SLC38A10: variants seen among roughly 807,000 people sequenced by gnomAD.
SLC38A10 encodes the protein solute carrier family 38 member 10.
A neutral mutation model predicts 81.0 loss-of-function variants in SLC38A10; 53 were observed. That is an observed-to-expected ratio of 0.65 (90% CI 0.53 to 0.82). The LOEUF (loss-of-function observed/expected upper bound fraction) is 0.82, where lower values mean the gene tolerates loss of function less well. Ranked by LOEUF, SLC38A10 falls within the 40% of genes least tolerant of loss-of-function variation. The pLI, the probability that SLC38A10 is intolerant of heterozygous loss-of-function variation, is 0.00. For missense variants in SLC38A10, 1,471 were observed against 1,545.0 expected (o/e 0.95, Z 0.80); for synonymous variants, 665 against 655.3 (o/e 1.01, Z -0.23).
chr17:81,269,453 C>G (rs576549137), intron 10 of SLC38A10, among the ~76,000 whole-genome samples: 2 of 152,212 alleles, frequency 1.3e-5, no homozygotes, highest in African/African-American at 4.8e-5. Context: ...GCAGAAGTTG[C>G]AGTGGACCTG....
chr17:81,251,411 A>C, intron 14 of SLC38A10, 82 bp downstream of exon 14: 1 of 1,610,968 alleles, frequency 6.2e-7, no homozygotes, highest in Non-Finnish European at 8.5e-7. Context: ...CCCGAGGATG[A>C]CCTGGGCATC....
intron 14 of SLC38A10, 138 bp downstream of exon 14, chr17:81,251,355 T>C (rs753965754): frequency 6.2e-7 from 1 of 1,612,284 alleles, no homozygotes; most frequent in South Asian, 1.1e-5. Context: ...CTCCGAGGGG[T>C]CTGCTCAGCA....
intron 2 of SLC38A10, 79 bp from the exon 3 acceptor site, chr17:81,284,974 C>A: frequency 7.4e-7 from 1 of 1,360,300 alleles, no homozygotes; most frequent in Non-Finnish European, 9.9e-7. Flanking sequence ...GCCAAGCTGT[C>A]AAGGGCGATT....
intron 4 of SLC38A10, among the ~76,000 whole-genome samples, 153 bp from the exon 5 acceptor site, chr17:81,282,485 G>A (rs931844375): frequency 9.2e-5 from 14 of 152,266 alleles, no homozygotes; most frequent in East Asian, 1.9e-4. Flanking sequence ...ACACTCGCCC[G>A]AAGCCGCTCT....
intron 5 of SLC38A10, 151 bp from the exon 6 acceptor site, chr17:81,280,884 C>T: frequency 4.4e-6 from 4 of 910,500 alleles, no homozygotes; most frequent in South Asian, 2.1e-5. Context: ...CCGCCCTGTG[C>T]CGCCTTGTGC....
Position 81,272,746 on chromosome 17 carries a change from C to A in SLC38A10, c.913-119G>T, listed in dbSNP as rs557655461. 1,058 of 603,262 alleles carry A rather than the reference C, an allele frequency of 1.8e-3. 3 individuals carry two copies. Among genetic ancestry groups the A allele is most frequent in the Non-Finnish European group, 2.3e-3 (844 of 366,496 alleles). The allele number at this position is 603,262 out of a possible 1,614,324, so 37.4% of individuals were successfully genotyped here. A position where few individuals can be genotyped will look rare whatever the true frequency, so the allele number is the denominator to read the frequency against. The stretch of plus-strand genomic sequence containing the variant: ...CAGGCACATCTCCACGTGAGGCCGG[C>A]CGCGCACTCACCTGGCAGGTGAGCC... On this transcript the variant is annotated intron_variant, in intron 8 of 15. Transcript: ENST00000374759.
At chr17:81,285,415 T>C (rs1334889780) in intron 2 of SLC38A10, 2 of 152,486 alleles carry the variant, frequency 1.3e-5, no homozygotes, top group Non-Finnish European at 2.9e-5. Context: ...GCATGGTGCT[T>C]CAGGAAGGGA....
chr17:81,263,269 G>C (rs1156380747), intron 10 of SLC38A10: 1 of 152,350 alleles, frequency 6.6e-6, no homozygotes, highest in African/African-American at 2.4e-5. Flanking sequence ...GCTGGGACAA[G>C]GGCGGGACAA....
intron 14 of SLC38A10, among the ~76,000 whole-genome samples, chr17:81,250,484 G>A (rs959721112): frequency 2.6e-5 from 4 of 152,264 alleles, no homozygotes; most frequent in Non-Finnish European, 5.9e-5. Flanking sequence ...CATCCTGGGA[G>A]GTGCCCGTGC....
Position 81,289,823 on chromosome 17 carries a change from C to T in SLC38A10, c.100-15G>A, listed in dbSNP as rs1451901603. The T allele has an allele frequency of 1.3e-6, 2 of 1,572,362 alleles. No homozygotes were observed. Among genetic ancestry groups the T allele is most frequent in the Admixed American group, 3.8e-5 (2 of 53,034 alleles). On this transcript the variant is annotated splice_polypyrimidine_tract_variant and intron_variant, in intron 1 of 15. Coordinates refer to ENST00000374759, the MANE Select transcript of SLC38A10 (RefSeq NM_001037984.3). The surrounding 1 kb of genome is among the most constrained non-coding windows in gnomAD (Gnocchi z 5.9). ...ACGATGCCGCACTGCAGGGTGGAGA[C>T]AGGAACACATGTTCACAGCAGCAGG...
intron 14 of SLC38A10, 186 bp from the exon 15 acceptor site, chr17:81,247,247 G>C: frequency 1.8e-6 from 1 of 554,270 alleles, no homozygotes. Flanking sequence ...GATGCACGCA[G>C]GCCTGAGGGC....
In SLC38A10 at chr17:81,246,092, G is replaced by C; in HGVS notation, c.2824C>G (p.Pro942Ala). The change falls in exon 16 of 16, where the codon CCC becomes GCC. Residue 942 changes from proline (P) to alanine (A), a missense_variant. Pro to Ala is a conservative substitution (Grantham distance 27). This residue lies in a region of SLC38A10 where 751 missense variants were observed against 717.4 expected (regional missense o/e 1.05). Transcript: ENST00000374759. ...SRDLGLAADL[P>A]GGAEGAAAQP... Reference sequence around the variant, plus strand: ...GCAGCTGCTCCTTCCGCCCCACCGGGCAGGTCCGCTGCAAGGCCCAGGTCT... The same window carrying C: ...GCAGCTGCTCCTTCCGCCCCACCGGCCAGGTCCGCTGCAAGGCCCAGGTCT... 1 of 1,608,526 alleles carries C rather than the reference G, an allele frequency of 6.2e-7. No homozygotes were observed. Among genetic ancestry groups the C allele is most frequent in the Non-Finnish European group, 8.5e-7 (1 of 1,179,592 alleles).
At position 81,289,747 on chromosome 17, in the gene SLC38A10, C is replaced by A. The variant is rs774107237; in HGVS notation, c.161G>T (p.Cys54Phe). 2 of 1,611,648 alleles carry A rather than the reference C, an allele frequency of 1.2e-6. No individual in the cohort carries two copies. Among genetic ancestry groups the A allele is most frequent in the Non-Finnish European group, 1.7e-6 (2 of 1,179,672 alleles). Residue 54 changes from cysteine (C) to phenylalanine (F), a missense_variant, in exon 2 of 16, where the codon TGC becomes TTC. Physicochemically the swap from Cys to Phe is radical, Grantham distance 205. Transcript: ENST00000374759. This position sits in a 1 kb window ranked among gnomAD's most constrained non-coding sequence, Gnocchi z 5.9. ...VFCSWMTHQS[C>F]MFLVKSASLS... is the part of the protein sequence containing the mutation. ...GCTGGCCGACTTCACCAAGAACATG[C>A]ACGACTGGTGCGTCATCCATGAGCA...
chr17:81,276,248 C>A lies in SLC38A10; in HGVS notation c.730-97G>T. 6.8e-6 allele frequency: 8 copies of A among 1,182,780 alleles called. No individual in the cohort carries two copies. Among genetic ancestry groups the A allele is most frequent in the Non-Finnish European group, 9.2e-6 (8 of 868,672 alleles). The allele number at this position is 1,182,780 out of a possible 1,614,324, so 73.3% of individuals were successfully genotyped here. On this transcript the variant is annotated intron_variant, in intron 7 of 15. Coordinates refer to ENST00000374759, the MANE Select transcript of SLC38A10 (RefSeq NM_001037984.3). The surrounding 1 kb of genome is among the most constrained non-coding windows in gnomAD (Gnocchi z 4.7). Reference sequence around the variant, plus strand: ...GGGCATGGGGGGGACCTGTGCCCTGCCCCCCAGAATGGCCTTCAATCCACT... The same window carrying A: ...GGGCATGGGGGGGACCTGTGCCCTGACCCCCAGAATGGCCTTCAATCCACT...
chr17:81,253,817 CCAT>C lies in SLC38A10; in HGVS notation c.1289-580_1289-578del, dbSNP rs1371826836. Among the ~76,000 whole-genome samples the C allele has an allele frequency of 1.3e-5, 2 of 150,260 alleles. No homozygotes were observed. The highest frequency in any genetic ancestry group is 3.0e-5 in the Non-Finnish European group (2 of 67,722). On this transcript the variant is annotated intron_variant, in intron 11 of 15. Transcript: ENST00000374759. The surrounding 1 kb of genome is among the most constrained non-coding windows in gnomAD (Gnocchi z 4.1). ...ACCATCACCATCATCATCACCGTCA[CCAT>C]CATCACCATCACCGCTATCATCACC...
chr17:81,254,121 G>C (rs2062950895), intron 11 of SLC38A10, among the ~76,000 whole-genome samples: 1 of 151,660 alleles, frequency 6.6e-6, no homozygotes, highest in African/African-American at 2.4e-5. Context: ...GTCCCAGCAA[G>C]GCCATATGTC....
At chr17:81,290,144 T>C (rs1377490469) in intron 1 of SLC38A10, among the ~76,000 whole-genome samples, 1 of 152,150 alleles carries the variant, frequency 6.6e-6, no homozygotes, top group East Asian at 1.9e-4. Context: ...GCCACTTAAG[T>C]CCACAGCTAC....
Position 81,253,914 on chromosome 17 carries a change from C to T in SLC38A10, c.1289-674G>A, listed in dbSNP as rs2062947789. ...CCACTACCATCACCACCATCACTGC[C>T]AACCCTACCATCATTGCCATCACCT... On this transcript the variant is annotated intron_variant, in intron 11 of 15. Transcript: ENST00000374759. The surrounding 1 kb of genome is among the most constrained non-coding windows in gnomAD (Gnocchi z 4.1). Among the ~76,000 whole-genome samples the T allele has an allele frequency of 6.6e-6, 1 of 152,110 alleles. No individual in the cohort carries two copies. Among genetic ancestry groups the T allele is most frequent in the South Asian group, 2.1e-4 (1 of 4,820 alleles).
At chr17:81,294,781 G>T in intron 1 of SLC38A10, 42 bp downstream of exon 1, 2 of 1,515,720 alleles carry the variant, frequency 1.3e-6, no homozygotes, top group Non-Finnish European at 1.8e-6. Context: ...CCCCCTCTGC[G>T]GGGGAGGCGA....
Sources: gnomAD v4.1 joint callset for allele counts (sites outside exome capture counted in the v4.1 genomes callset) on GRCh38, gnomAD v4.1.1 for gene constraint, gnomAD v4.1.1 regional missense constraint, Gnocchi (gnomAD v3.1) non-coding constraint, MANE v1.5 for transcripts, NCBI Gene and HGNC (gene_info 2026-07-23, HGNC 2026-07-21) for gene names.